Variants in CCL26 observed in about 807,000 individuals in gnomAD.
CCL26 encodes C-C motif chemokine 26.
CCL26 carries 10 observed loss-of-function variants against 10.7 expected under a neutral mutation model. That is an observed-to-expected ratio of 0.93 (90% confidence interval 0.57 to 1.58). The LOEUF (loss-of-function observed/expected upper bound fraction) is 1.58, where lower values mean the gene tolerates loss of function less well. Among genes scored for constraint, CCL26 ranks in the 40% most tolerant of loss-of-function variants. The probability of loss-of-function intolerance (pLI) is 0.00; values close to 1 mark genes in which losing one functional copy is unlikely to be tolerated. For synonymous variants in CCL26, 43 were observed against 41.4 expected (o/e 1.04, Z -0.15); for missense variants, 116 against 111.0 (o/e 1.05, Z -0.20).
intron 1 of CCL26, among the ~76,000 whole-genome samples, chr7:75,788,463 ACT>A (rs1359520949): frequency 6.6e-6 from 1 of 151,086 alleles, no homozygotes; most frequent in Non-Finnish European, 1.5e-5. Context: ...CCCTTGGCTG[ACT>A]CTCTTTTTGG....
At chr7:75,789,548 T>C (rs1234415370) in intron 1 of CCL26, among the ~76,000 whole-genome samples, 4 of 151,156 alleles carry the variant, frequency 2.6e-5, no homozygotes, top group Non-Finnish European at 5.9e-5. Context: ...CTGTTTTCCA[T>C]ACTTCTGCCT....
At chr7:75,787,651 C>CAAAAAAAAAAAAAAAAAAAAAAAAA (rs55770109) in intron 1 of CCL26, among the ~76,000 whole-genome samples, 2 of 27,748 alleles carry the variant, frequency 7.2e-5, no homozygotes, top group African/African-American at 1.6e-4. Flanking sequence ...TCTCCAAAAG[C>CAAAAAAAAAAAAAAAAAAAAAAAAA]AAAAAAAAAA....
upstream of CCL26, among the ~76,000 whole-genome samples, chr7:75,775,842 GT>G (rs56702381): frequency 7.4e-4 from 56 of 75,590 alleles, no homozygotes; most frequent in Admixed American, 1.8e-3. Flanking sequence ...CCTTTTTTTA[GT>G]TTTTTTTTTC....
At chr7:75,781,357 A>G (rs1803056889) in intron 1 of CCL26, among the ~76,000 whole-genome samples, 1 of 152,140 alleles carries the variant, frequency 6.6e-6, no homozygotes, top group Admixed American at 6.6e-5. Context: ...GCACACAAGA[A>G]CTTCCAAACT....
upstream of CCL26, chr7:75,772,221 C>CT (rs782050468): frequency 5.7e-6 from 8 of 1,391,404 alleles, no homozygotes; most frequent in Middle Eastern, 2.4e-4. Context: ...CAAACTCCTC[C>CT]TGCCTGATCC....
upstream of CCL26, among the ~76,000 whole-genome samples, chr7:75,773,419 C>G (rs1340547202): frequency 3.3e-5 from 5 of 150,266 alleles, no homozygotes; most frequent in African/African-American, 4.9e-5. Context: ...CCAAGACTGT[C>G]TCAAAAAAGA....
intron 1 of CCL26, among the ~76,000 whole-genome samples, chr7:75,782,321 A>C (rs1261703027): frequency 6.6e-6 from 1 of 152,066 alleles, no homozygotes; most frequent in African/African-American, 2.4e-5. Flanking sequence ...CTCTCTGATT[A>C]TTCACCCACG....
intron 1 of CCL26, among the ~76,000 whole-genome samples, chr7:75,783,904 C>A (rs1554529708): frequency 6.6e-6 from 1 of 152,108 alleles, no homozygotes; most frequent in African/African-American, 2.4e-5. Flanking sequence ...GGTCAGAAGT[C>A]CGTCTTATTC....
At chr7:75,770,734 T>C (rs1486306053) in intron 2 of CCL26, among the ~76,000 whole-genome samples, 1 of 152,098 alleles carries the variant, frequency 6.6e-6, no homozygotes, top group Non-Finnish European at 1.5e-5. Flanking sequence ...TGGAGTGCAG[T>C]GGCGCGATCT....
chr7:75,771,975 G>A lies in CCL26; in HGVS notation c.102C>T (p.Cys34=). The A allele has an allele frequency of 6.2e-7, 1 of 1,614,050 alleles. No homozygotes were observed. Among genetic ancestry groups the A allele is most frequent in the Non-Finnish European group, 8.5e-7 (1 of 1,179,876 alleles). The part of the protein sequence containing the change: ...TRGSDISKTC[C]FQYSHKPLPW... Reference sequence around the variant, plus strand: ...GAAGGGGCTTGTGGCTGTATTGGAAGCAGCAGGTCTTGGATATGTCACTCC... The same window carrying A: ...GAAGGGGCTTGTGGCTGTATTGGAAACAGCAGGTCTTGGATATGTCACTCC... Residue 34 remains cysteine, a synonymous_variant, in exon 2 of 3, where the codon TGC becomes TGT. Transcript: ENST00000005180.
chr7:75,773,365 A>G (rs1802871652), upstream of CCL26, among the ~76,000 whole-genome samples: 1 of 151,804 alleles, frequency 6.6e-6, no homozygotes, highest in Non-Finnish European at 1.5e-5. Flanking sequence ...CAGAGGTTAC[A>G]GTGAGCCGAG....
chr7:75,777,777 A>G (rs1802974640), intron 1 of CCL26, among the ~76,000 whole-genome samples: 1 of 147,902 alleles, frequency 6.8e-6, no homozygotes, highest in African/African-American at 2.5e-5. Flanking sequence ...ATAATGTTGT[A>G]GGATTCCACC....
At chr7:75,772,240 G>A, upstream of CCL26, 1 of 1,177,736 alleles carries the variant, frequency 8.5e-7, no homozygotes, top group Non-Finnish European at 1.2e-6. Context: ...CCCCTTTTAT[G>A]AGACTGAGAC....
intron 1 of CCL26, among the ~76,000 whole-genome samples, chr7:75,785,836 T>G (rs1803171843): frequency 6.6e-6 from 1 of 152,140 alleles, no homozygotes; most frequent in South Asian, 2.1e-4. Context: ...ACAGCCAAAG[T>G]GCAGGGCTGT....
At position 75,772,061 on chromosome 7, in the gene CCL26, G is replaced by T. The variant is rs574124175; in HGVS notation, c.73+43C>A. On this transcript the variant is annotated intron_variant, in intron 1 of 2. Transcript: ENST00000005180. ...ACTCATTTCCATCCACTCCCAGGCGGTCCGGGAAGGAACCCCAGGAGGGGA... is the reference window on the plus strand; with the variant it reads ...ACTCATTTCCATCCACTCCCAGGCGTTCCGGGAAGGAACCCCAGGAGGGGA... 960 of 1,605,714 alleles carry T rather than the reference G, an allele frequency of 6.0e-4. 14 individuals carry two copies. In the South Asian group the frequency reaches 0.01, roughly 17 times the overall value.
chr7:75,778,175 GT>G (rs1435066541), intron 1 of CCL26, among the ~76,000 whole-genome samples: 7 of 152,142 alleles, frequency 4.6e-5, no homozygotes, highest in Non-Finnish European at 8.8e-5. Flanking sequence ...AGAGTCGAGG[GT>G]TCCCTTGTCT....
rs782417763 is a variant in CCL26 at position 75,769,764 on chromosome 7, C to T, written c.214G>A (p.Val72Ile). 1 of 1,609,944 alleles carries T rather than the reference C, an allele frequency of 6.2e-7. No individual in the cohort carries two copies. The highest frequency in any genetic ancestry group is 2.2e-5 in the East Asian group (1 of 44,878). Residue 72 changes from valine (V) to isoleucine (I), a missense_variant, in exon 3 of 3, where the codon GTC becomes ATC. Coordinates refer to ENST00000005180, the MANE Select transcript of CCL26 (RefSeq NM_001371938.1). ...CATTTTTTCCTTGGATGGGTACAGA[C>T]TTTCTTGCCTCTTTTGGTAGTGAAT... ...VIFTTKRGKK[V>I]CTHPRKKWVQ...
At chr7:75,789,457 T>C (rs1803274274) in intron 1 of CCL26, among the ~76,000 whole-genome samples, 1 of 111,480 alleles carries the variant, frequency 9.0e-6, no homozygotes, top group Non-Finnish European at 1.7e-5. Flanking sequence ...ATTTCTCTTT[T>C]TCTCTTTTTT....
chr7:75,777,340 C>G (rs116440745), intron 1 of CCL26, among the ~76,000 whole-genome samples: 1,565 of 152,234 alleles, frequency 0.01, 31 homozygotes, highest in African/African-American at 0.035. Context: ...ACCCTCATGT[C>G]TGTCAATAGT....
Sources: gnomAD v4.1 joint callset for allele counts (sites outside exome capture counted in the v4.1 genomes callset) on GRCh38, gnomAD v4.1.1 for gene constraint, MANE v1.5 for transcripts, NCBI Gene and HGNC (gene_info 2026-07-23, HGNC 2026-07-21) for gene names.